The following SIPA1L1 variants were observed in gnomAD, a reference collection of about 807,000 sequenced individuals.
SIPA1L1 encodes signal-induced proliferation-associated 1-like protein 1.
Under a neutral mutation model 162.7 loss-of-function variants are expected in SIPA1L1, and 26 were observed. The ratio of observed to expected loss-of-function variants is 0.16; its 90% CI spans 0.12 to 0.22. The LOEUF (loss-of-function observed/expected upper bound fraction) is 0.22. SIPA1L1 is among the 10% of genes least tolerant of loss of function. SIPA1L1 has a pLI of 1.00. For synonymous variants in SIPA1L1, 829 were observed against 837.4 expected, an observed-to-expected ratio of 0.99 and a Z score of 0.17; for missense variants, 1,874 against 2,241.0, an observed-to-expected ratio of 0.84 and a Z score of 3.31.
At position 71,693,858 on chromosome 14, in the gene SIPA1L1, G is replaced by A. The variant is rs117327076; in HGVS notation, c.3375-5123G>A. ...GTGGTAAAATGCTGTGCTTAATTAT[G>A]GACTCAAGCATTTAATTTGTCCATC... On this transcript the variant is annotated intron_variant, in intron 13 of 23. Transcript: ENST00000381232. Among the ~76,000 whole-genome samples the A allele has an allele frequency of 6.7e-3, 1,012 of 151,958 alleles. 7 individuals are homozygous for A. Among genetic ancestry groups the A allele is most frequent in the Non-Finnish European group, 0.012 (788 of 67,986 alleles).
rs571943991 is a variant in SIPA1L1, at chr14:71,323,825, T to A, written c.-465+2644T>A. On this transcript the variant is annotated intron_variant, in intron 2 of 23. Transcript: ENST00000381232. ...TTACAGTGATGAGCAAGAGTGTACC[T>A]GGCCACATGGAACTTGTAGTCCAGT... Among the ~76,000 whole-genome samples, 8 of 152,378 alleles carry A rather than the reference T, an allele frequency of 5.3e-5. No individual in the cohort carries two copies. The South Asian group carries it at 1.7e-3, about 32-fold the overall frequency.
intron 2 of SIPA1L1, among the ~76,000 whole-genome samples, chr14:71,446,656 T>TTG: frequency 6.6e-6 from 1 of 152,250 alleles, no homozygotes; most frequent in South Asian, 2.1e-4. Flanking sequence ...CAGTGTTTTT[T>TTG]TGTGTGTGTG....
At chr14:71,388,052 C>G (rs921655229) in intron 2 of SIPA1L1, among the ~76,000 whole-genome samples, 1 of 152,206 alleles carries the variant, frequency 6.6e-6, no homozygotes, top group African/African-American at 2.4e-5. Context: ...CAGTGCACAG[C>G]ACATACTTCA....
chr14:71,540,062 A>G (rs2054246830), intron 4 of SIPA1L1, among the ~76,000 whole-genome samples: 1 of 152,354 alleles, frequency 6.6e-6, no homozygotes, highest in South Asian at 2.1e-4. Flanking sequence ...GCTCTCTCGC[A>G]TTTTATAGTA....
At chr14:71,404,284 G>A (rs1309163873) in intron 2 of SIPA1L1, among the ~76,000 whole-genome samples, 1 of 152,154 alleles carries the variant, frequency 6.6e-6, no homozygotes, top group Non-Finnish European at 1.5e-5. Flanking sequence ...GCCAGGTGCC[G>A]TGGCTCCTAC....
At chr14:71,331,967 C>T (rs1039059744) in intron 2 of SIPA1L1, among the ~76,000 whole-genome samples, 8 of 152,226 alleles carry the variant, frequency 5.3e-5, no homozygotes, top group East Asian at 1.9e-4. Flanking sequence ...GAACAAATTT[C>T]GGCTACTTAA....
At chr14:71,337,248 G>A (rs538759557) in intron 2 of SIPA1L1, among the ~76,000 whole-genome samples, 4 of 152,146 alleles carry the variant, frequency 2.6e-5, no homozygotes, top group African/African-American at 4.8e-5. Context: ...TCTGATTTTC[G>A]AAAAATCTTC....
intron 2 of SIPA1L1, among the ~76,000 whole-genome samples, chr14:71,492,054 A>G (rs2049327441): frequency 1.3e-5 from 2 of 152,110 alleles, no homozygotes; most frequent in South Asian, 4.1e-4. Flanking sequence ...GCACCACGGT[A>G]GCTAGCATTG....
chr14:71,411,888 T>C (rs2042432275), intron 2 of SIPA1L1, among the ~76,000 whole-genome samples: 2 of 152,238 alleles, frequency 1.3e-5, no homozygotes, highest in African/African-American at 4.8e-5. Flanking sequence ...GGAAATCTTG[T>C]TCAGTTAGAA....
intron 3 of SIPA1L1, among the ~76,000 whole-genome samples, chr14:71,515,571 G>A (rs1022325974): frequency 1.3e-5 from 2 of 152,264 alleles, no homozygotes; most frequent in East Asian, 1.9e-4. Flanking sequence ...CTTACCATCT[G>A]TTTTAAAGAT....
Position 71,671,331 on chromosome 14 carries a change from A to G in SIPA1L1, c.2468A>G (p.Asn823Ser). 1 of 1,614,222 alleles carries G rather than the reference A, an allele frequency of 6.2e-7. No individual in the cohort carries two copies. Reference sequence around the variant, plus strand: ...GATCTGGCAGAAAAGAATGTCACCAACACCCCTATCGACCCTTCTGGCAAG... The same window carrying G: ...GATCTGGCAGAAAAGAATGTCACCAGCACCCCTATCGACCCTTCTGGCAAG... ...LKDLAEKNVT[N>S]TPIDPSGKFP... Residue 823 changes from asparagine (N) to serine (S), a missense_variant, in exon 11 of 24, where the codon AAC becomes AGC. Asn to Ser is a conservative substitution (Grantham distance 46). Around this residue, in one of 5 missense-constraint regions of SIPA1L1, gnomAD observed 243 missense variants for 315.0 expected, o/e 0.77. Coordinates refer to ENST00000381232, the MANE Select transcript of SIPA1L1 (RefSeq NM_001386936.1).
rs189408044 is a variant in SIPA1L1, at chr14:71,465,054, G to A, written c.-464-47689G>A. ...GGGTGGAAAGGCTGATGGCAGCATG[G>A]GTCCAGGTGGGGATGTTGCCGCTAC... On this transcript the variant is annotated intron_variant, in intron 2 of 23. Coordinates refer to ENST00000381232, the MANE Select transcript of SIPA1L1 (RefSeq NM_001386936.1). Among the ~76,000 whole-genome samples, 3 of 152,274 alleles carry A rather than the reference G, an allele frequency of 2.0e-5. No homozygotes were observed. In the East Asian group the frequency reaches 5.8e-4, roughly 29 times the overall value.
intron 8 of SIPA1L1, among the ~76,000 whole-genome samples, chr14:71,654,955 A>G (rs1014158044): frequency 6.6e-6 from 1 of 152,182 alleles, no homozygotes; most frequent in Non-Finnish European, 1.5e-5. Context: ...GTAATATAGT[A>G]AACAGTCTTA....
chr14:71,623,499 A>C (rs1246103517), intron 6 of SIPA1L1, among the ~76,000 whole-genome samples: 1 of 152,248 alleles, frequency 6.6e-6, no homozygotes, highest in African/African-American at 2.4e-5. Flanking sequence ...AAGTAATTTC[A>C]GCTGCTATTG....
At chr14:71,530,746 T>C (rs1420610531) in intron 4 of SIPA1L1, among the ~76,000 whole-genome samples, 1 of 152,212 alleles carries the variant, frequency 6.6e-6, no homozygotes, top group Non-Finnish European at 1.5e-5. Flanking sequence ...AAGAAGCCAC[T>C]ATCCTGGTTT....
chr14:71,637,063 A>G (rs1398693617), intron 7 of SIPA1L1, among the ~76,000 whole-genome samples: 1 of 150,878 alleles, frequency 6.6e-6, no homozygotes, highest in Non-Finnish European at 1.5e-5. Flanking sequence ...AAAAAAAAAA[A>G]AAAACAGCTA....
At chr14:71,598,922 C>T (rs973213938) in intron 5 of SIPA1L1, among the ~76,000 whole-genome samples, 1 of 151,836 alleles carries the variant, frequency 6.6e-6, no homozygotes. Context: ...ACTGTTTGTA[C>T]TCATTAACCA....
At chr14:71,506,630 C>T (rs1008842211) in intron 2 of SIPA1L1, among the ~76,000 whole-genome samples, 3 of 152,030 alleles carry the variant, frequency 2.0e-5, no homozygotes, top group Non-Finnish European at 4.4e-5. Context: ...TGTGAGCCAC[C>T]GTGCTGGGCC....
rs1452399929 is a variant in SIPA1L1, at chr14:71,617,725, G to A, written c.1499-1032G>A. On this transcript the variant is annotated intron_variant, in intron 5 of 23. Coordinates refer to ENST00000381232, the MANE Select transcript of SIPA1L1 (RefSeq NM_001386936.1). ...GTATTTTCAAATGTGTATGCATTTT[G>A]TGTGATAATGAGATATTATGTCACA... Among the ~76,000 whole-genome samples, 2 of 152,006 alleles carry A rather than the reference G, an allele frequency of 1.3e-5. 1 individual carries two copies. The highest frequency in any genetic ancestry group is 2.9e-5 in the Non-Finnish European group (2 of 68,000).
Sources: gnomAD v4.1 joint callset for allele counts (sites outside exome capture counted in the v4.1 genomes callset) on GRCh38, gnomAD v4.1.1 for gene constraint, gnomAD v4.1.1 regional missense constraint, MANE v1.5 for transcripts, NCBI Gene and HGNC (gene_info 2026-07-23, HGNC 2026-07-21) for gene names.